MINAR1: variants seen among roughly 807,000 people sequenced by gnomAD.
MINAR1 encodes the protein major intrinsically disordered Notch2-binding receptor 1.
Under a neutral mutation model 65.1 loss-of-function variants are expected in MINAR1, and 40 were observed. The observed-to-expected ratio is 0.61, with a 90% CI of 0.48 to 0.80. The LOEUF is 0.80. MINAR1 is among the 30% of genes least tolerant of loss of function. The pLI is 0.00. For synonymous variants in MINAR1, 482 were observed against 449.1 expected (o/e 1.07, Z -0.93); for missense variants, 1,128 against 1,148.0 (o/e 0.98, Z 0.25).
chr15:79,435,887 G>A (rs1014868725), intron 1 of MINAR1, among the ~76,000 whole-genome samples: 1 of 152,212 alleles, frequency 6.6e-6, no homozygotes, highest in Admixed American at 6.5e-5. Context: ...TATTAATTTT[G>A]TTCTTAAAGA....
At chr15:79,436,565 C>A (rs1013155596) in intron 1 of MINAR1, among the ~76,000 whole-genome samples, 6 of 152,142 alleles carry the variant, frequency 3.9e-5, no homozygotes, top group African/African-American at 1.4e-4. Flanking sequence ...ACAGAAGGTG[C>A]TTTGTGAGCC....
intron 3 of MINAR1, among the ~76,000 whole-genome samples, chr15:79,466,613 A>T (rs2141308112): frequency 6.6e-6 from 1 of 152,316 alleles, no homozygotes; most frequent in South Asian, 2.1e-4. Context: ...GGCAGGTCAG[A>T]TACGGCCTGC....
rs1183281591 is a variant in MINAR1, at chr15:79,440,916, G to C, written c.-51+8376G>C. 2.0e-5 allele frequency among the ~76,000 whole-genome samples: 3 copies of C among 152,034 alleles called. No individual in the cohort carries two copies. In the East Asian group the frequency reaches 5.8e-4, roughly 29 times the overall value. ...CTAGATTATAAGCTCATGAGGGCAGGGTTTTTGTTTTGTTCATTGTCTGCC... is the reference window on the plus strand; with the variant it reads ...CTAGATTATAAGCTCATGAGGGCAGCGTTTTTGTTTTGTTCATTGTCTGCC... On this transcript the variant is annotated intron_variant, in intron 1 of 3. Transcript: ENST00000305428.
At chr15:79,460,630 A>C (rs1246260293) in intron 2 of MINAR1, among the ~76,000 whole-genome samples, 2 of 151,470 alleles carry the variant, frequency 1.3e-5, no homozygotes, top group African/African-American at 4.9e-5. Context: ...ATCTCATCTC[A>C]TGGGCCACTG....
chr15:79,431,966 C>A (rs1894451581), upstream of MINAR1, among the ~76,000 whole-genome samples: 1 of 152,164 alleles, frequency 6.6e-6, no homozygotes, highest in South Asian at 2.1e-4. Flanking sequence ...CCGGGACCGC[C>A]CCCTCGGTCC....
chr15:79,434,937 C>T (rs796092044), intron 1 of MINAR1, among the ~76,000 whole-genome samples: 7 of 152,190 alleles, frequency 4.6e-5, no homozygotes, highest in East Asian at 1.9e-4. Flanking sequence ...CCTCTTTTTC[C>T]CCTTCTCTCT....
rs538934620 is a variant in MINAR1 at position 79,463,005 on chromosome 15, T to G, written c.2299-62T>G. On this transcript the variant is annotated intron_variant, in intron 2 of 3. Coordinates refer to ENST00000305428, the MANE Select transcript of MINAR1 (RefSeq NM_015206.3). ...ACAGGAAAGCTGCTGGCTGCTCAAT[T>G]GCACTGTGAAATCCAAGGGCAACTG... The G allele has an allele frequency of 1.4e-4, 218 of 1,557,390 alleles. 3 individuals are homozygous for G. The East Asian group carries it at 3.7e-3, about 26-fold the overall frequency.
the MINAR1 span, chr15:79,419,113 A>G: frequency 1.3e-5 from 2 of 152,188 alleles, no homozygotes; most frequent in African/African-American, 4.8e-5. Flanking sequence ...TGCCTCGGCC[A>G]TAGGCTACCC....
chr15:79,424,256 C>T, the MINAR1 span: 3 of 152,226 alleles, frequency 2.0e-5, no homozygotes, highest in Admixed American at 2.0e-4. Context: ...AGAGACCAGG[C>T]TTTATCTGAT....
chr15:79,441,806 G>C (rs1894876223), intron 1 of MINAR1, among the ~76,000 whole-genome samples: 1 of 151,952 alleles, frequency 6.6e-6, no homozygotes, highest in Non-Finnish European at 1.5e-5. Flanking sequence ...AGAACCCTTA[G>C]TCTTTAGTAC....
In MINAR1 at chr15:79,462,924, T is replaced by C; in HGVS notation, c.2299-143T>C. ...TAGAGAATTTCCCTCAATATGGTTA[T>C]GCTTTCATACTTTTGATTTGGCTGG... On this transcript the variant is annotated intron_variant, in intron 2 of 3. Transcript: ENST00000305428. 3.7e-6 allele frequency: 3 copies of C among 804,760 alleles called. No homozygotes were observed. The South Asian group carries it at 5.6e-5, about 15-fold the overall frequency. 49.9% of individuals were successfully genotyped at this position (804,760 alleles called of 1,614,324 possible). A position where few individuals can be genotyped will look rare whatever the true frequency, so the allele number is the denominator to read the frequency against.
chr15:79,445,505 T>A (rs1319739987), intron 1 of MINAR1, among the ~76,000 whole-genome samples: 1 of 152,000 alleles, frequency 6.6e-6, no homozygotes, highest in African/African-American at 2.4e-5. Context: ...TTTTGATTGA[T>A]AAATCTTATT....
At chr15:79,431,193 G>A (rs985929437), upstream of MINAR1, among the ~76,000 whole-genome samples, 9 of 151,870 alleles carry the variant, frequency 5.9e-5, no homozygotes, top group Admixed American at 2.6e-4. Context: ...AGGTGGGGTG[G>A]TGGGGGTGGG....
Position 79,458,164 on chromosome 15 carries a change from C to T in MINAR1, c.2017C>T (p.Pro673Ser). 1.2e-6 allele frequency: 2 copies of T among 1,614,164 alleles called. No individual in the cohort carries two copies. Among genetic ancestry groups the T allele is most frequent in the East Asian group, 2.2e-5 (1 of 44,880 alleles). ...MFHAHSGSHG[P>S]KLENNPDWCC... Reference sequence around the variant, plus strand: ...CCACGCACACAGTGGCTCCCACGGACCCAAACTAGAGAACAACCCTGACTG... The same window carrying T: ...CCACGCACACAGTGGCTCCCACGGATCCAAACTAGAGAACAACCCTGACTG... Residue 673 changes from proline to serine, a missense_variant, in exon 2 of 4, where the codon CCC (proline) becomes TCC (serine). Physicochemically the swap from Pro to Ser is moderately conservative, Grantham distance 74. Transcript: ENST00000305428.
chr15:79,423,267 C>T, the MINAR1 span: 1 of 152,176 alleles, frequency 6.6e-6, no homozygotes, highest in East Asian at 1.9e-4. Flanking sequence ...GATGGTGAAA[C>T]AAATTAACAT....
At chr15:79,467,542 GGGAAGCTGCACC>G (rs1173864764) in intron 3 of MINAR1, among the ~76,000 whole-genome samples, 26 of 152,166 alleles carry the variant, frequency 1.7e-4, no homozygotes, top group Non-Finnish European at 3.8e-4. Context: ...TCTCTCTTTG[GGGAAGCTGCACC>G]GAGTCTGAAA....
At chr15:79,455,973 A>G in intron 1 of MINAR1, 125 bp from the exon 2 acceptor site, 1 of 605,484 alleles carries the variant, frequency 1.7e-6, no homozygotes, top group Admixed American at 3.2e-5. Flanking sequence ...TCCTTATTAC[A>G]TTTTTAATCA....
At chr15:79,413,329 C>T in the MINAR1 span, 1 of 152,198 alleles carries the variant, frequency 6.6e-6, no homozygotes, top group Non-Finnish European at 1.5e-5. Flanking sequence ...GCAACGCAGA[C>T]AGCTGTATGT....
At chr15:79,442,761 C>G (rs1894908097) in intron 1 of MINAR1, among the ~76,000 whole-genome samples, 2 of 148,750 alleles carry the variant, frequency 1.3e-5, no homozygotes, top group Non-Finnish European at 2.9e-5. Flanking sequence ...ACTTGTTTAT[C>G]TAGTGTTTTT....
Sources: allele counts gnomAD v4.1 joint callset (sites outside exome capture counted in the v4.1 genomes callset), GRCh38; gene constraint gnomAD v4.1.1; transcripts MANE v1.5; gene names NCBI Gene and HGNC (gene_info 2026-07-23, HGNC 2026-07-21).